LHX8: variants seen among roughly 807,000 people sequenced by gnomAD.
LHX8 encodes the protein LIM/homeobox protein Lhx8.
In LHX8, 12 loss-of-function variants were observed where a neutral mutation model predicts 40.3. The ratio of observed to expected loss-of-function variants is 0.30; its 90% CI spans 0.19 to 0.48. The LOEUF (loss-of-function observed/expected upper bound fraction) is 0.48, where lower values mean the gene tolerates loss of function less well. Among genes scored for constraint, LHX8 ranks in the 20% least tolerant of loss-of-function variants. LHX8 has a pLI of 0.99. For missense variants in LHX8, 344 were observed against 433.7 expected (o/e 0.79, Z 1.84); for synonymous variants, 179 against 162.0 (o/e 1.10, Z -0.80).
intron 3 of LHX8, among the ~76,000 whole-genome samples, chr1:75,137,487 A>G (rs1174777117): frequency 6.6e-6 from 1 of 152,192 alleles, no homozygotes; most frequent in East Asian, 1.9e-4. Flanking sequence ...TGTGTGACAC[A>G]TCCTGGTCTG....
At chr1:75,162,541 C>T (rs1318261697), downstream of LHX8, among the ~76,000 whole-genome samples, 2 of 151,666 alleles carry the variant, frequency 1.3e-5, no homozygotes, top group East Asian at 3.9e-4. Context: ...CTGTCTTTTT[C>T]CTGTGCTCAT....
intron 8 of LHX8, among the ~76,000 whole-genome samples, chr1:75,159,119 A>G (rs1159095509): frequency 6.6e-6 from 1 of 152,126 alleles, no homozygotes; most frequent in Non-Finnish European, 1.5e-5. Context: ...TTTCTCTATA[A>G]GTAGAAATCT....
chr1:75,193,409 A>C, the LHX8 span, among the ~76,000 whole-genome samples: 2 of 152,134 alleles, frequency 1.3e-5, no homozygotes, highest in Admixed American at 6.6e-5. Flanking sequence ...TCCTATTCAA[A>C]TGTAGATTCT....
chr1:75,163,347 A>G (rs1648968004), downstream of LHX8, among the ~76,000 whole-genome samples: 1 of 152,158 alleles, frequency 6.6e-6, no homozygotes, highest in Admixed American at 6.6e-5. Flanking sequence ...AGCATGATTA[A>G]ACTAGGTGGC....
intron 7 of LHX8, among the ~76,000 whole-genome samples, chr1:75,154,192 T>C (rs1648691744): frequency 2.0e-5 from 3 of 152,186 alleles, no homozygotes; most frequent in Admixed American, 6.5e-5. Flanking sequence ...CTGGGTAGCA[T>C]TCATGCCAGA....
At chr1:75,140,870 A>G in intron 3 of LHX8, 115 bp from the exon 4 acceptor site, 1 of 961,646 alleles carries the variant, frequency 1.0e-6, no homozygotes, top group Non-Finnish European at 1.6e-6. Flanking sequence ...GGATGAAAAC[A>G]TTCAGAGCAT....
At chr1:75,156,836 T>G in intron 7 of LHX8, 57 bp from the exon 8 acceptor site, 1 of 1,510,270 alleles carries the variant, frequency 6.6e-7, no homozygotes, top group East Asian at 2.3e-5. Flanking sequence ...GAGTTGATAA[T>G]GTGCTCAGAA....
chr1:75,137,069 A>C, intron 2 of LHX8, 31 bp from the exon 3 acceptor site: 1 of 1,586,080 alleles, frequency 6.3e-7, no homozygotes, highest in Non-Finnish European at 8.6e-7. Flanking sequence ...GGAGGGGTCT[A>C]GAACCGCCTG....
intron 3 of LHX8, among the ~76,000 whole-genome samples, chr1:75,137,969 T>G (rs910926036): frequency 2.0e-5 from 3 of 152,206 alleles, no homozygotes; most frequent in African/African-American, 4.8e-5. Flanking sequence ...CTTGAGTGCT[T>G]GGGGAGAAAA....
the LHX8 span, among the ~76,000 whole-genome samples, chr1:75,195,127 A>G: frequency 7.2e-5 from 11 of 152,260 alleles, no homozygotes; most frequent in African/African-American, 2.4e-4. Context: ...TTCCATATCT[A>G]TCTGTCTCTC....
chr1:75,153,907 G>T (rs1648684258), intron 7 of LHX8, among the ~76,000 whole-genome samples: 1 of 152,060 alleles, frequency 6.6e-6, no homozygotes, highest in Admixed American at 6.5e-5. Flanking sequence ...AGTGAAACAT[G>T]CTTTCCCAAT....
Position 75,156,982 on chromosome 1 carries a change from C to G in LHX8, c.870C>G (p.Ser290=), listed in dbSNP as rs144728419. The change falls in exon 8 of 9, where the codon TCC becomes TCG. Residue 290 remains serine (S), a synonymous_variant. Transcript: ENST00000356261. ...CCCCAGTCACAGCAGTCCCACCCTCCAGGCTGTCTCCACCCATGTTAGAAG... is the reference window on the plus strand; with the variant it reads ...CCCCAGTCACAGCAGTCCCACCCTCGAGGCTGTCTCCACCCATGTTAGAAG... ...SSTPVTAVPP[S]RLSPPMLEEM... 2.5e-6 allele frequency: 4 copies of G among 1,614,052 alleles called. No homozygotes were observed. The African/African-American group carries it at 5.3e-5, about 22-fold the overall frequency.
rs2100330616 is a variant in LHX8 at position 75,136,623 on chromosome 1, G to A, written c.9G>A (p.Glu3=). Residue 3 remains glutamate, a synonymous_variant, in exon 2 of 9, where the codon GAG becomes GAA. Coordinates refer to ENST00000356261, the MANE Select transcript of LHX8 (RefSeq NM_001256114.2). ...CGCAGTGTCAGGGGCTCATGTCAGA[G>A]GAGTGCGGGCGGACTACAGCCCTGG... MS[E]ECGRTTALAA... The A allele has an allele frequency of 6.5e-7, 1 of 1,550,078 alleles. No homozygotes were observed. Among genetic ancestry groups the A allele is most frequent in the East Asian group, 2.4e-5 (1 of 40,870 alleles).
the LHX8 span, among the ~76,000 whole-genome samples, chr1:75,193,221 C>T: frequency 6.6e-6 from 1 of 152,158 alleles, no homozygotes; most frequent in African/African-American, 2.4e-5. Context: ...CCCCACTGTA[C>T]TTTTGGTCCC....
intron 7 of LHX8, among the ~76,000 whole-genome samples, chr1:75,151,409 G>A (rs1648607958): frequency 1.1e-4 from 16 of 152,198 alleles, no homozygotes; most frequent in Admixed American, 1.0e-3. Flanking sequence ...TACCAGGGTT[G>A]TGAAAGATTT....
chr1:75,157,346 T>G (rs923130235), intron 8 of LHX8, among the ~76,000 whole-genome samples: 4 of 152,222 alleles, frequency 2.6e-5, no homozygotes, highest in Non-Finnish European at 4.4e-5. Flanking sequence ...ATTTTTTGTT[T>G]GTTTTTACCG....
chr1:75,171,566 G>C, the LHX8 span, among the ~76,000 whole-genome samples: 1 of 152,142 alleles, frequency 6.6e-6, no homozygotes, highest in Non-Finnish European at 1.5e-5. Context: ...CTTATCCAAA[G>C]AAGCTGACAA....
At chr1:75,151,577 T>C (rs772868036) in intron 7 of LHX8, among the ~76,000 whole-genome samples, 3 of 152,228 alleles carry the variant, frequency 2.0e-5, no homozygotes, top group Non-Finnish European at 2.9e-5. Context: ...TGTTCACTCA[T>C]AATGAATTTT....
At chr1:75,176,611 C>T in the LHX8 span, among the ~76,000 whole-genome samples, 3 of 152,174 alleles carry the variant, frequency 2.0e-5, no homozygotes, top group South Asian at 2.1e-4. Flanking sequence ...AATTTTCTCC[C>T]ATTCTGTAGG....
Sources: gnomAD v4.1 joint callset for allele counts (sites outside exome capture counted in the v4.1 genomes callset) on GRCh38, gnomAD v4.1.1 for gene constraint, MANE v1.5 for transcripts, NCBI Gene and HGNC (gene_info 2026-07-23, HGNC 2026-07-21) for gene names.